TGM3: variants seen among roughly 807,000 people sequenced by gnomAD.
TGM3 encodes transglutaminase 3.
A neutral mutation model predicts 73.8 loss-of-function variants in TGM3; 52 were observed. The ratio of observed to expected loss-of-function variants is 0.70; its 90% confidence interval spans 0.56 to 0.89. The LOEUF is 0.89. Among genes scored for constraint, TGM3 ranks in the 40% least tolerant of loss-of-function variants. The pLI, the probability that TGM3 is intolerant of heterozygous loss-of-function variation, is 0.00. For missense variants in TGM3, 928 were observed against 909.9 expected, an observed-to-expected ratio of 1.02 and a Z score of -0.26; for synonymous variants, 372 against 354.9, an observed-to-expected ratio of 1.05 and a Z score of -0.54.
intron 7 of TGM3, among the ~76,000 whole-genome samples, chr20:2,323,774 C>T (rs2084273393): frequency 6.6e-6 from 1 of 152,170 alleles, no homozygotes; most frequent in Admixed American, 6.5e-5. Context: ...ATCTATGTAT[C>T]TCTGTCATGT....
At position 2,328,517 on chromosome 20, in the gene TGM3, C is replaced by A; in HGVS notation, c.1333+152C>A. On this transcript the variant is annotated intron_variant, in intron 9 of 12. Coordinates refer to ENST00000381458, the MANE Select transcript of TGM3 (RefSeq NM_003245.4). The surrounding 1 kb of genome is among the most constrained non-coding windows in gnomAD (Gnocchi z 5.2). ...TTGCTCCCTAGCACCTAACATCCAC[C>A]TCCCAGGACTGTTTCCGGAGGGAAC... The A allele has an allele frequency of 8.8e-7, 1 of 1,141,626 alleles. No homozygotes were observed. Among genetic ancestry groups the A allele is most frequent in the Non-Finnish European group, 1.2e-6 (1 of 819,092 alleles). The allele number at this position is 1,141,626 out of a possible 1,614,324, so 70.7% of individuals were successfully genotyped here. A position where few individuals can be genotyped will look rare whatever the true frequency, so the allele number is the denominator to read the frequency against.
chr20:2,313,934 G>C (rs951402630), intron 5 of TGM3, among the ~76,000 whole-genome samples: 16 of 152,144 alleles, frequency 1.1e-4, no homozygotes, highest in African/African-American at 3.4e-4. Context: ...CCAGCACTTT[G>C]GTGGGGAGAT....
In TGM3 at chr20:2,332,751, T is replaced by G. The variant is rs187200865; in HGVS notation, c.1642+441T>G. On this transcript the variant is annotated intron_variant, in intron 10 of 12. Transcript: ENST00000381458. This position sits in a 1 kb window ranked among gnomAD's most constrained non-coding sequence, Gnocchi z 4.4. ...GTAGTGCTGAGTCTTGGTCCTAGGTTTCCTGATACTGAGTCCAGAGCCACC... is the reference window on the plus strand; with the variant it reads ...GTAGTGCTGAGTCTTGGTCCTAGGTGTCCTGATACTGAGTCCAGAGCCACC... 3.4e-4 allele frequency among the ~76,000 whole-genome samples: 52 copies of G among 152,276 alleles called. No individual in the cohort carries two copies. The highest frequency in any genetic ancestry group is 1.2e-3 in the African/African-American group (49 of 41,548).
At chr20:2,339,086 G>A (rs1327751320) in intron 11 of TGM3, among the ~76,000 whole-genome samples, 1 of 152,262 alleles carries the variant, frequency 6.6e-6, no homozygotes, top group Non-Finnish European at 1.5e-5. Context: ...GGTGCACAGG[G>A]AACCTCTGGG....
rs538369661 is a variant in TGM3, at chr20:2,319,270, T to C, written c.983+1785T>C. 2.0e-5 allele frequency among the ~76,000 whole-genome samples: 3 copies of C among 152,296 alleles called. No individual in the cohort carries two copies. The East Asian group carries it at 5.8e-4, about 29-fold the overall frequency. On this transcript the variant is annotated intron_variant, in intron 7 of 12. Coordinates refer to ENST00000381458, the MANE Select transcript of TGM3 (RefSeq NM_003245.4). The stretch of plus-strand genomic sequence containing the variant: ...TCCCCTCGGCATACCCTTTCTGTGA[T>C]TATCCTGTACATTAGGAACTGCAGG...
chr20:2,333,468 A>C (rs1293904102), intron 10 of TGM3, among the ~76,000 whole-genome samples: 1 of 152,006 alleles, frequency 6.6e-6, no homozygotes, highest in Non-Finnish European at 1.5e-5. Flanking sequence ...TGCAGCCTCA[A>C]ACTCTGGGCT....
Position 2,317,414 on chromosome 20 carries a change from C to A in TGM3, c.912C>A (p.Asp304Glu). The A allele has an allele frequency of 6.2e-7, 1 of 1,614,210 alleles. No homozygotes were observed. Among genetic ancestry groups the A allele is most frequent in the African/African-American group, 1.3e-5 (1 of 75,048 alleles). The change falls in exon 7 of 13, where the codon GAC (aspartate) becomes GAA (glutamate). Residue 304 changes from aspartate (D) to glutamate (E), a missense_variant. By Grantham distance (45) the Asp-to-Glu change is conservative (BLOSUM62 2). Transcript: ENST00000381458. ...ACTTCAACTCAGCTCATGACACAGA[C>A]CGAAATCTCAGTGTGGATGTGTACT... ...ITNFNSAHDT[D>E]RNLSVDVYYD...
At chr20:2,336,233 A>G (rs529957738) in intron 11 of TGM3, among the ~76,000 whole-genome samples, 2,754 of 152,194 alleles carry the variant, frequency 0.018, 42 homozygotes, top group African/African-American at 0.043. Flanking sequence ...CCCACAGCCC[A>G]GGGTGAAGGG....
chr20:2,321,259 T>C (rs1252710405), intron 7 of TGM3, among the ~76,000 whole-genome samples: 1 of 152,234 alleles, frequency 6.6e-6, no homozygotes, highest in Non-Finnish European at 1.5e-5. Context: ...TTGTTTTGTT[T>C]TATAACTAGG....
intron 1 of TGM3, among the ~76,000 whole-genome samples, chr20:2,297,115 G>C (rs1479680220): frequency 1.3e-5 from 2 of 152,302 alleles, no homozygotes; most frequent in East Asian, 1.9e-4. Context: ...TGCAGCAAGA[G>C]GGGAGGTCAG....
rs2084313301 is a variant in TGM3, at chr20:2,330,313, A to G, written c.1334-1689A>G. Among the ~76,000 whole-genome samples the G allele has an allele frequency of 3.9e-5, 6 of 152,238 alleles. No homozygotes were observed. In the South Asian group the frequency reaches 1.2e-3, roughly 32 times the overall value. On this transcript the variant is annotated intron_variant, in intron 9 of 12. Transcript: ENST00000381458. ...TATAGGCATCAAGGCTCCAAGCCTC[A>G]TTGTGCAAACACACCTGCTTCAAGG...
At chr20:2,330,375 T>G (rs2084313585) in intron 9 of TGM3, among the ~76,000 whole-genome samples, 1 of 152,216 alleles carries the variant, frequency 6.6e-6, no homozygotes, top group Admixed American at 6.5e-5. Flanking sequence ...TGCACTGCCT[T>G]CAGCTCTGGG....
At position 2,309,841 on chromosome 20, in the gene TGM3, A is replaced by G. The variant is rs1321683892; in HGVS notation, c.181+11A>G. The G allele has an allele frequency of 1.2e-6, 2 of 1,613,728 alleles. No individual in the cohort carries two copies. Among genetic ancestry groups the G allele is most frequent in the African/African-American group, 2.7e-5 (2 of 74,940 alleles). ...TCATTGTCTCCACAGGTACCTGCTC[A>G]TTCCCCTCCTTGCCCAAACACACAC... On this transcript the variant is annotated intron_variant, in intron 2 of 12. Transcript: ENST00000381458.
intron 8 of TGM3, among the ~76,000 whole-genome samples, chr20:2,327,843 T>C (rs953689455): frequency 6.6e-6 from 1 of 152,090 alleles, no homozygotes; most frequent in Non-Finnish European, 1.5e-5. Context: ...CTTTCCTCTT[T>C]AGGAAACAGA....
In TGM3 at chr20:2,310,253, C is replaced by T. The variant is rs774924175; in HGVS notation, c.257C>T (p.Ala86Val). 2.5e-5 allele frequency: 40 copies of T among 1,614,070 alleles called. No individual in the cohort carries two copies. The highest frequency in any genetic ancestry group is 1.6e-4 in the Middle Eastern group (1 of 6,084). ...AATGGCAGTAGTGGTGGCTGGAGTG[C>T]GGTGCTTCAGGCCAGCAATGGCAAT... ...LSNGSSGGWSAVLQASNGNTL... is the reference protein window; with the variant it reads ...LSNGSSGGWSVVLQASNGNTL... Residue 86 changes from alanine (A) to valine (V), a missense_variant, in exon 3 of 13, where the codon GCG becomes GTG. By Grantham distance (64) the Ala-to-Val change is moderately conservative. Transcript: ENST00000381458.
At chr20:2,300,379 G>A (rs527408650) in intron 1 of TGM3, among the ~76,000 whole-genome samples, 3 of 152,276 alleles carry the variant, frequency 2.0e-5, no homozygotes, top group South Asian at 4.1e-4. Flanking sequence ...ATTCTTCTGG[G>A]CAGCTGGGGT....
intron 5 of TGM3, 49 bp downstream of exon 5, chr20:2,313,075 A>T: frequency 6.2e-7 from 1 of 1,611,062 alleles, no homozygotes; most frequent in Non-Finnish European, 8.5e-7. Context: ...TATATTGAAC[A>T]CCACCTATGA....
chr20:2,314,898 T>C (rs949367104), intron 5 of TGM3, among the ~76,000 whole-genome samples: 5 of 152,184 alleles, frequency 3.3e-5, no homozygotes, highest in African/African-American at 1.2e-4. Flanking sequence ...GTTACTTGGT[T>C]AAAAATGTGA....
chr20:2,335,040 T>A, intron 10 of TGM3, 76 bp from the exon 11 acceptor site: 2 of 1,561,848 alleles, frequency 1.3e-6, no homozygotes, highest in Non-Finnish European at 1.8e-6. Flanking sequence ...CTGCCTTGGC[T>A]TGGCATCTGT....
Sources: allele counts gnomAD v4.1 joint callset (sites outside exome capture counted in the v4.1 genomes callset), GRCh38; gene constraint gnomAD v4.1.1; non-coding constraint Gnocchi (gnomAD v3.1); transcripts MANE v1.5; gene names NCBI Gene and HGNC (gene_info 2026-07-23, HGNC 2026-07-21).